NBEA: variants seen among roughly 807,000 people sequenced by gnomAD.
The protein encoded by NBEA is neurobeachin.
In NBEA, 44 loss-of-function variants were observed where a neutral mutation model predicts 343.4. The observed-to-expected ratio is 0.13, with a 90% CI of 0.10 to 0.16. The LOEUF (loss-of-function observed/expected upper bound fraction) is 0.16, where lower values mean the gene tolerates loss of function less well. Ranked by LOEUF, NBEA falls within the 10% of genes least tolerant of loss-of-function variation. The pLI, the probability that NBEA is intolerant of heterozygous loss-of-function variation, is 1.00. For missense variants in NBEA, 2,555 were observed against 3,631.3 expected, an observed-to-expected ratio of 0.70 and a Z score of 7.62; for synonymous variants, 1,175 against 1,238.7, an observed-to-expected ratio of 0.95 and a Z score of 1.08.
intron 41 of NBEA, among the ~76,000 whole-genome samples, chr13:35,504,175 A>C (rs2076987580): frequency 6.6e-6 from 1 of 152,184 alleles, no homozygotes; most frequent in African/African-American, 2.4e-5. Context: ...TTAAAACCAG[A>C]ATGTGGAGTA....
intron 1 of NBEA, among the ~76,000 whole-genome samples, chr13:35,026,498 C>T (rs1412724615): frequency 1.3e-5 from 2 of 152,090 alleles, no homozygotes; most frequent in Admixed American, 1.3e-4. Flanking sequence ...CAATATCTTT[C>T]ATAGTTATCC....
chr13:35,270,855 G>A (rs1488397139), intron 34 of NBEA, among the ~76,000 whole-genome samples: 1 of 152,190 alleles, frequency 6.6e-6, no homozygotes, highest in Non-Finnish European at 1.5e-5. Context: ...AGCTTGAACT[G>A]GGCAGAGCCC....
At chr13:35,141,482 G>T in intron 17 of NBEA, among the ~76,000 whole-genome samples, 1 of 152,268 alleles carries the variant, frequency 6.6e-6, no homozygotes, top group Middle Eastern at 3.4e-3. Context: ...GGCCAGGCTT[G>T]TCTCGAACTT....
In NBEA at chr13:35,157,353, T is replaced by C. The variant is rs2152709207; in HGVS notation, c.2844+83T>C. 4 of 1,045,212 alleles carry C rather than the reference T, an allele frequency of 3.8e-6. No homozygotes were observed. The South Asian group carries it at 8.6e-5, about 22-fold the overall frequency. 64.7% of individuals were successfully genotyped at this position (1,045,212 alleles called of 1,614,324 possible). A position where few individuals can be genotyped will look rare whatever the true frequency, so the allele number is the denominator to read the frequency against. On this transcript the variant is annotated intron_variant, in intron 21 of 58. Transcript: ENST00000379939. ...TACAAACATGCATCTGGTGCCATCT[T>C]GTGGGCATCTTAGATTTTGACAGAT... is the stretch of plus-strand genomic sequence containing the variant.
chr13:35,615,309 TAG>T, intron 48 of NBEA, among the ~76,000 whole-genome samples: 1 of 145,378 alleles, frequency 6.9e-6, no homozygotes, highest in Non-Finnish European at 1.5e-5. Flanking sequence ...AAAAAAAAAT[TAG>T]CTGAGGAGTT....
intron 39 of NBEA, among the ~76,000 whole-genome samples, chr13:35,439,453 A>G (rs1271482597): frequency 1.3e-5 from 2 of 152,194 alleles, no homozygotes; most frequent in Non-Finnish European, 2.9e-5. Context: ...GGCAGAGGTC[A>G]TAACAGAAAT....
In NBEA at chr13:35,157,169, A is replaced by G; in HGVS notation, c.2743A>G (p.Met915Val). The part of the protein sequence containing the change: ...KNSEEQKITE[M>V]VYNIFRILLY... The stretch of plus-strand genomic sequence containing the variant: ...TTCTGAGGAACAGAAGATTACCGAA[A>G]TGGTCTACAATATCTTCCGGATTCT... The change falls in exon 21 of 59, where the codon ATG (methionine) becomes GTG (valine). Residue 915 changes from methionine to valine, a missense_variant. Coordinates refer to ENST00000379939, the MANE Select transcript of NBEA (RefSeq NM_001385012.1). 6.2e-7 allele frequency: 1 copy of G among 1,610,616 alleles called. No individual in the cohort carries two copies. The highest frequency in any genetic ancestry group is 1.1e-5 in the South Asian group (1 of 90,208).
chr13:34,943,111 C>T lies in NBEA; in HGVS notation c.291C>T (p.Asn97=), dbSNP rs764089764. The T allele has an allele frequency of 1.2e-6, 2 of 1,613,400 alleles. No individual in the cohort carries two copies. Among genetic ancestry groups the T allele is most frequent in the Non-Finnish European group, 1.7e-6 (2 of 1,179,700 alleles). ...SNRDIVETVL[N]LLVGGEFDLE... ...GGGACATCGTGGAGACGGTGCTCAA[C>T]CTGGTAAGGAAAAGGCGTGCTCTCA... Residue 97 remains asparagine, a synonymous_variant, in exon 1 of 59, where the codon AAC becomes AAT. Coordinates refer to ENST00000379939, the MANE Select transcript of NBEA (RefSeq NM_001385012.1).
intron 35 of NBEA, among the ~76,000 whole-genome samples, chr13:35,299,706 A>T (rs1443457289): frequency 6.6e-6 from 1 of 152,198 alleles, no homozygotes; most frequent in East Asian, 1.9e-4. Context: ...TTTTCAGCAG[A>T]AAAGTGCATA....
intron 22 of NBEA, 139 bp downstream of exon 22, chr13:35,160,171 G>A (rs1274083042): frequency 1.1e-5 from 9 of 798,832 alleles, no homozygotes; most frequent in East Asian, 8.4e-5. Context: ...GAACTAAATA[G>A]TGCGGTATAA....
intron 49 of NBEA, among the ~76,000 whole-genome samples, chr13:35,629,278 C>A (rs1404575053): frequency 3.3e-5 from 5 of 152,188 alleles, no homozygotes; most frequent in Non-Finnish European, 7.3e-5. Context: ...GTAATCATTT[C>A]TGCATCTCCA....
At chr13:35,473,728 C>T (rs906007771) in intron 41 of NBEA, among the ~76,000 whole-genome samples, 4 of 152,104 alleles carry the variant, frequency 2.6e-5, no homozygotes, top group African/African-American at 4.8e-5. Flanking sequence ...TGTTGAATTT[C>T]TAATGAATTT....
intron 48 of NBEA, among the ~76,000 whole-genome samples, chr13:35,608,428 C>G (rs968906820): frequency 9.2e-5 from 14 of 152,150 alleles, no homozygotes; most frequent in African/African-American, 2.4e-4. Context: ...ACATTATTCT[C>G]ACATACTTGA....
intron 41 of NBEA, among the ~76,000 whole-genome samples, chr13:35,548,523 G>C (rs1317775866): frequency 6.6e-6 from 1 of 152,022 alleles, no homozygotes; most frequent in Non-Finnish European, 1.5e-5. Flanking sequence ...TGGGTATAAG[G>C]GTGCCAACAC....
chr13:35,311,857 C>A (rs528345699), intron 36 of NBEA, among the ~76,000 whole-genome samples: 16 of 151,630 alleles, frequency 1.1e-4, no homozygotes, highest in Non-Finnish European at 1.9e-4. Context: ...TTCGTCCCCC[C>A]ACCAAAAAAA....
chr13:35,514,363 G>C (rs2077401039), intron 41 of NBEA, among the ~76,000 whole-genome samples: 1 of 152,112 alleles, frequency 6.6e-6, no homozygotes, highest in Admixed American at 6.6e-5. Context: ...GGAGAAAACA[G>C]CTTGCATTAA....
chr13:35,008,586 A>G (rs1189524354), intron 1 of NBEA, among the ~76,000 whole-genome samples: 5 of 152,224 alleles, frequency 3.3e-5, no homozygotes, highest in Admixed American at 3.3e-4. Flanking sequence ...CTATGCATAC[A>G]GAGGGCATAA....
At chr13:35,616,438 G>A (rs1020796741) in intron 48 of NBEA, among the ~76,000 whole-genome samples, 1 of 152,142 alleles carries the variant, frequency 6.6e-6, no homozygotes, top group Non-Finnish European at 1.5e-5. Context: ...TTGTGACCCA[G>A]ACTTAAAATT....
intron 38 of NBEA, among the ~76,000 whole-genome samples, chr13:35,390,005 A>G (rs1594451260): frequency 3.0e-5 from 1 of 33,690 alleles, no homozygotes. Context: ...GTGTGTGTGT[A>G]CTCAGTACTC....
Sources: gnomAD v4.1 joint callset for allele counts (sites outside exome capture counted in the v4.1 genomes callset) on GRCh38, gnomAD v4.1.1 for gene constraint, MANE v1.5 for transcripts, NCBI Gene and HGNC (gene_info 2026-07-23, HGNC 2026-07-21) for gene names.